ZHX2: variants seen among roughly 807,000 people sequenced by gnomAD.
ZHX2 encodes the protein zinc fingers and homeoboxes protein 2.
ZHX2 carries 6 observed loss-of-function variants against 21.9 expected under a neutral mutation model. That is an observed-to-expected ratio of 0.27 (90% CI 0.15 to 0.54). The LOEUF (loss-of-function observed/expected upper bound fraction) is 0.54, where lower values mean the gene tolerates loss of function less well. Ranked by LOEUF, ZHX2 falls within the 20% of genes least tolerant of loss-of-function variation. ZHX2 has a pLI of 0.95. For missense variants in ZHX2, 908 were observed against 1,090.7 expected, an observed-to-expected ratio of 0.83 and a Z score of 2.36; for synonymous variants, 434 against 437.1, an observed-to-expected ratio of 0.99 and a Z score of 0.09.
At chr8:122,924,807 T>C (rs1383747323) in intron 2 of ZHX2, among the ~76,000 whole-genome samples, 1 of 152,176 alleles carries the variant, frequency 6.6e-6, no homozygotes, top group Non-Finnish European at 1.5e-5. Flanking sequence ...ATACCCCATG[T>C]ATTGTAGCTT....
intron 1 of ZHX2, among the ~76,000 whole-genome samples, chr8:122,817,555 G>A (rs953077951): frequency 6.6e-6 from 1 of 152,230 alleles, no homozygotes; most frequent in African/African-American, 2.4e-5. Flanking sequence ...GTTTCAGAGG[G>A]CCAGGAAGAA....
Position 122,828,641 on chromosome 8 carries a change from GC to G in ZHX2, c.-282-34835del, listed in dbSNP as rs979498049. ...ATGGGCTGTGGGGGATGTGCTGGCG[GC>G]AGCCCTGGTGGCCATGGGCACTGAG... is the stretch of plus-strand genomic sequence containing the variant. On this transcript the variant is annotated intron_variant, in intron 1 of 3. Transcript: ENST00000314393. This position sits in a 1 kb window ranked among gnomAD's most constrained non-coding sequence, Gnocchi z 5.2. Among the ~76,000 whole-genome samples the G allele has an allele frequency of 6.6e-6, 1 of 152,248 alleles. No individual in the cohort carries two copies. The highest frequency in any genetic ancestry group is 2.4e-5 in the African/African-American group (1 of 41,470).
intron 1 of ZHX2, among the ~76,000 whole-genome samples, chr8:122,794,691 A>G (rs1041781868): frequency 2.6e-5 from 4 of 152,090 alleles, no homozygotes; most frequent in African/African-American, 9.7e-5. Context: ...GCTGAGCTCT[A>G]CCCACCAGGC....
chr8:122,840,905 A>G (rs1818609077), intron 1 of ZHX2, among the ~76,000 whole-genome samples: 1 of 152,184 alleles, frequency 6.6e-6, no homozygotes, highest in South Asian at 2.1e-4. Flanking sequence ...AGTGGGAGGA[A>G]AAGCCCGAAT....
At chr8:122,791,078 G>T (rs948285318) in intron 1 of ZHX2, among the ~76,000 whole-genome samples, 15 of 152,142 alleles carry the variant, frequency 9.9e-5, no homozygotes, top group Admixed American at 6.5e-5. Flanking sequence ...CCAGCAAAAG[G>T]GCTGTGGCCC....
At chr8:122,787,547 CT>C (rs1200680324) in intron 1 of ZHX2, among the ~76,000 whole-genome samples, 1 of 152,204 alleles carries the variant, frequency 6.6e-6, no homozygotes, top group Non-Finnish European at 1.5e-5. Flanking sequence ...CTGAGTTTAT[CT>C]TTCAGAGAGA....
chr8:122,939,993 A>C (rs1374848575), intron 2 of ZHX2, among the ~76,000 whole-genome samples: 1 of 152,200 alleles, frequency 6.6e-6, no homozygotes, highest in African/African-American at 2.4e-5. Flanking sequence ...AAAGGTCCTC[A>C]TTCGGGCCAG....
chr8:122,816,273 T>C (rs1210051339), intron 1 of ZHX2: 1 of 152,136 alleles, frequency 6.6e-6, no homozygotes, highest in East Asian at 1.9e-4. Context: ...TTATGTGTAC[T>C]GCTGTTGCTT....
In ZHX2 at chr8:122,854,420, A is replaced by G. The variant is rs981579319; in HGVS notation, c.-282-9057A>G. On this transcript the variant is annotated intron_variant, in intron 1 of 3. Coordinates refer to ENST00000314393, the MANE Select transcript of ZHX2 (RefSeq NM_014943.5). ...ATAGGAGAAACTGAGGCCCAGGAGC[A>G]GGGGACTTGCTCAGAGCCAACCTAG... 1.7e-4 allele frequency among the ~76,000 whole-genome samples: 26 copies of G among 152,210 alleles called. 1 individual carries two copies. Among genetic ancestry groups the G allele is most frequent in the African/African-American group, 6.3e-4 (26 of 41,450 alleles).
intron 2 of ZHX2, among the ~76,000 whole-genome samples, chr8:122,870,294 T>A (rs1819399662): frequency 6.6e-6 from 1 of 150,396 alleles, no homozygotes; most frequent in Non-Finnish European, 1.5e-5. Context: ...CTTTCAGAGG[T>A]TTTTAACCAA....
intron 2 of ZHX2, among the ~76,000 whole-genome samples, chr8:122,871,070 G>C (rs1445207000): frequency 6.6e-6 from 1 of 152,152 alleles, no homozygotes; most frequent in African/African-American, 2.4e-5. Flanking sequence ...TTAACAGGTA[G>C]GCTCAGGAGT....
intron 3 of ZHX2, among the ~76,000 whole-genome samples, chr8:122,969,206 T>G (rs1813659685): frequency 6.6e-6 from 1 of 151,316 alleles, no homozygotes; most frequent in African/African-American, 2.4e-5. Context: ...AGTACAGAAA[T>G]AGACAGTGGA....
intron 2 of ZHX2, among the ~76,000 whole-genome samples, chr8:122,926,912 G>T (rs560651271): frequency 1.3e-5 from 2 of 152,118 alleles, no homozygotes; most frequent in Non-Finnish European, 2.9e-5. Context: ...ATGGCGTTTA[G>T]GGCCCACCCA....
rs535498910 is a variant in ZHX2, at chr8:122,946,369, A to G, written c.-219-4923A>G. On this transcript the variant is annotated intron_variant, in intron 2 of 3. Transcript: ENST00000314393. ...AGATCCACCAAGAGAACCCTAATAG[A>G]TTCTCAAAAGGCTCTGTGTTTTCTG... is the stretch of plus-strand genomic sequence containing the variant. Among the ~76,000 whole-genome samples the G allele has an allele frequency of 7.2e-5, 11 of 152,146 alleles. No individual in the cohort carries two copies. In the East Asian group the frequency reaches 1.9e-3, roughly 27 times the overall value.
intron 1 of ZHX2, among the ~76,000 whole-genome samples, chr8:122,810,174 G>A (rs926816108): frequency 2.1e-4 from 32 of 152,194 alleles, no homozygotes; most frequent in African/African-American, 6.3e-4. Context: ...CCTAGAGGCC[G>A]TCCAGTGTGC....
chr8:122,956,973 G>A (rs1163307027), intron 3 of ZHX2, among the ~76,000 whole-genome samples: 1 of 152,208 alleles, frequency 6.6e-6, no homozygotes, highest in Admixed American at 6.5e-5. Flanking sequence ...AGACAGTAAT[G>A]AGGGAGGGAA....
chr8:122,788,704 CG>C (rs1352388607), intron 1 of ZHX2, among the ~76,000 whole-genome samples: 1 of 152,184 alleles, frequency 6.6e-6, no homozygotes, highest in Non-Finnish European at 1.5e-5. Context: ...TGTTATTGTA[CG>C]TAAGTCTTCT....
At chr8:122,954,138 C>T (rs1455686838) in intron 3 of ZHX2, 110 bp downstream of exon 3, 5 of 978,160 alleles carry the variant, frequency 5.1e-6, no homozygotes, top group East Asian at 2.7e-5. Flanking sequence ...CAGATGGTGG[C>T]GTCTTTTTCT....
chr8:122,816,003 C>T (rs1282627895), intron 1 of ZHX2, among the ~76,000 whole-genome samples: 1 of 151,036 alleles, frequency 6.6e-6, no homozygotes, highest in Admixed American at 6.6e-5. Context: ...TCACTTGAAC[C>T]CAGGAGGCGG....
Sources: allele counts gnomAD v4.1 joint callset (sites outside exome capture counted in the v4.1 genomes callset), GRCh38; gene constraint gnomAD v4.1.1; non-coding constraint Gnocchi (gnomAD v3.1); transcripts MANE v1.5; gene names NCBI Gene and HGNC (gene_info 2026-07-23, HGNC 2026-07-21).